PDE4D: variants seen among roughly 807,000 people sequenced by gnomAD.
PDE4D encodes the protein 3',5'-cyclic-AMP phosphodiesterase 4D.
A neutral mutation model predicts 87.4 loss-of-function variants in PDE4D; 24 were observed. The ratio of observed to expected loss-of-function variants is 0.27; its 90% CI spans 0.20 to 0.39. The LOEUF (loss-of-function observed/expected upper bound fraction) is 0.39. PDE4D is among the 10% of genes least tolerant of loss of function. The pLI, the probability that PDE4D is intolerant of heterozygous loss-of-function variation, is 1.00. For missense variants in PDE4D, 714 were observed against 1,041.0 expected, an observed-to-expected ratio of 0.69 and a Z score of 4.32; for synonymous variants, 384 against 383.2, an observed-to-expected ratio of 1.00 and a Z score of -0.02.
At chr5:60,020,515 C>T (rs1293424880) in intron 2 of PDE4D, among the ~76,000 whole-genome samples, 1 of 152,140 alleles carries the variant, frequency 6.6e-6, no homozygotes, top group East Asian at 1.9e-4. Context: ...CACACACAAA[C>T]ATACAGGCTG....
chr5:59,109,199 T>TA (rs1049915323), intron 5 of PDE4D, among the ~76,000 whole-genome samples: 50 of 152,008 alleles, frequency 3.3e-4, no homozygotes, highest in Admixed American at 1.9e-3. Flanking sequence ...CATTAATCAT[T>TA]AAAAAAAATT....
At chr5:59,638,406 A>G (rs1248106617) in intron 1 of PDE4D, among the ~76,000 whole-genome samples, 1 of 152,178 alleles carries the variant, frequency 6.6e-6, no homozygotes, top group Admixed American at 6.5e-5. Flanking sequence ...GGGAAAAAGA[A>G]AAGGTGACTT....
chr5:60,066,412 T>C (rs1772097561), intron 2 of PDE4D, among the ~76,000 whole-genome samples: 1 of 152,146 alleles, frequency 6.6e-6, no homozygotes, highest in Non-Finnish European at 1.5e-5. Context: ...TTTTGAACAA[T>C]CTTTTGATAA....
chr5:59,722,554 T>A (rs1362021209), intron 1 of PDE4D, among the ~76,000 whole-genome samples: 1 of 152,188 alleles, frequency 6.6e-6, no homozygotes, highest in Non-Finnish European at 1.5e-5. Context: ...GTTATATTTA[T>A]TCTGGATTTC....
chr5:60,433,760 T>C (rs1452335724), intron 1 of PDE4D, among the ~76,000 whole-genome samples: 1 of 152,250 alleles, frequency 6.6e-6, no homozygotes, highest in African/African-American at 2.4e-5. Flanking sequence ...AATGAGATCA[T>C]GTCCTTTGCA....
chr5:59,962,845 C>T lies in PDE4D; in HGVS notation c.272+25643G>A, dbSNP rs184207680. On this transcript the variant is annotated intron_variant, in intron 3 of 16. Transcript: ENST00000502484. Reference sequence around the variant, plus strand: ...TTGAATTCATAGTGATATCTTTTCTCCTTTTAACTATTCACTTTGTATTGG... The same window carrying T: ...TTGAATTCATAGTGATATCTTTTCTTCTTTTAACTATTCACTTTGTATTGG... Among the ~76,000 whole-genome samples, 218 of 152,206 alleles carry T rather than the reference C, an allele frequency of 1.4e-3. 1 individual carries two copies. The highest frequency in any genetic ancestry group is 5.0e-3 in the African/African-American group (206 of 41,558).
chr5:59,636,460 C>CA (rs1374206127), intron 1 of PDE4D, among the ~76,000 whole-genome samples: 1 of 151,586 alleles, frequency 6.6e-6, no homozygotes, highest in Non-Finnish European at 1.5e-5. Context: ...AACAAACAAA[C>CA]AAAAAACAAA....
At chr5:59,698,746 G>A (rs890449486) in intron 1 of PDE4D, among the ~76,000 whole-genome samples, 3 of 152,168 alleles carry the variant, frequency 2.0e-5, no homozygotes, top group African/African-American at 7.2e-5. Context: ...AGGGATGACA[G>A]CAGTGAATCA....
At chr5:59,637,500 A>G (rs529707396) in intron 1 of PDE4D, among the ~76,000 whole-genome samples, 1 of 152,238 alleles carries the variant, frequency 6.6e-6, no homozygotes, top group South Asian at 2.1e-4. Context: ...ACCAACAAAA[A>G]TACCCATCAA....
At chr5:59,978,308 A>G (rs1035694846) in intron 3 of PDE4D, among the ~76,000 whole-genome samples, 9 of 152,218 alleles carry the variant, frequency 5.9e-5, no homozygotes, top group Admixed American at 2.0e-4. Flanking sequence ...TTTGTGATCC[A>G]TAGGCATAGG....
At chr5:60,468,386 G>T (rs1349519875) in intron 1 of PDE4D, among the ~76,000 whole-genome samples, 2 of 151,984 alleles carry the variant, frequency 1.3e-5, no homozygotes, top group Non-Finnish European at 2.9e-5. Context: ...CAACCCACCT[G>T]CCTCAGCATC....
At chr5:59,573,672 G>A (rs1175809428) in intron 1 of PDE4D, among the ~76,000 whole-genome samples, 1 of 151,820 alleles carries the variant, frequency 6.6e-6, no homozygotes, top group Non-Finnish European at 1.5e-5. Context: ...GATCCTCAGG[G>A]ACTTTCTTCC....
At chr5:60,115,960 T>A (rs1376352270) in intron 2 of PDE4D, among the ~76,000 whole-genome samples, 1 of 152,118 alleles carries the variant, frequency 6.6e-6, no homozygotes, top group Admixed American at 6.6e-5. Context: ...TGTGCTCAAT[T>A]CTTTGCTCAC....
intron 1 of PDE4D, among the ~76,000 whole-genome samples, chr5:60,233,359 T>A (rs188926680): frequency 6.6e-6 from 1 of 151,932 alleles, no homozygotes; most frequent in Non-Finnish European, 1.5e-5. Flanking sequence ...GGTTATTAAT[T>A]TTTTGAGCCA....
chr5:59,881,241 A>G (rs959103770), intron 1 of PDE4D, among the ~76,000 whole-genome samples: 1 of 152,224 alleles, frequency 6.6e-6, no homozygotes, highest in Admixed American at 6.5e-5. Flanking sequence ...TAACAGAATG[A>G]ATTGAGCCAG....
intron 1 of PDE4D, among the ~76,000 whole-genome samples, chr5:59,649,273 T>C (rs2150228477): frequency 6.6e-6 from 1 of 152,246 alleles, no homozygotes; most frequent in Admixed American, 6.5e-5. Flanking sequence ...TCTGAGAAGA[T>C]ATGAGGAAGA....
At chr5:59,693,386 T>C (rs1751276783) in intron 1 of PDE4D, among the ~76,000 whole-genome samples, 1 of 152,122 alleles carries the variant, frequency 6.6e-6, no homozygotes, top group South Asian at 2.1e-4. Context: ...CTCAGTATTA[T>C]TTATAGATCT....
intron 1 of PDE4D, among the ~76,000 whole-genome samples, chr5:59,707,332 G>A (rs1454791029): frequency 1.3e-5 from 2 of 151,998 alleles, no homozygotes; most frequent in African/African-American, 4.8e-5. Flanking sequence ...GCACTGAGGG[G>A]AATAAAAAAT....
rs1324178613 is a variant in PDE4D, at chr5:59,788,229, G to GA, written c.455+104938dup. 4.0e-5 allele frequency among the ~76,000 whole-genome samples: 6 copies of GA among 151,616 alleles called. No homozygotes were observed. The East Asian group carries it at 7.7e-4, about 20-fold the overall frequency. ...GTTCATGGTACAGTGTCATTTCAAA[G>GA]AAAAAAAAGAGACAAGGTTTGAAAA... On this transcript the variant is annotated intron_variant, in intron 1 of 14. Coordinates refer to ENST00000340635, the MANE Select transcript of PDE4D (RefSeq NM_001104631.2).
Sources: gnomAD v4.1 joint callset for allele counts (sites outside exome capture counted in the v4.1 genomes callset) on GRCh38, gnomAD v4.1.1 for gene constraint, MANE v1.5 for transcripts, NCBI Gene and HGNC (gene_info 2026-07-23, HGNC 2026-07-21) for gene names.